The following CNBD2 variants were observed in gnomAD, a reference collection of about 807,000 sequenced individuals.
CNBD2 encodes the protein cyclic nucleotide-binding domain-containing protein 2.
In CNBD2, 64 loss-of-function variants were observed where a neutral mutation model predicts 63.7. The observed-to-expected ratio is 1.00, with a 90% CI of 0.82 to 1.24. CNBD2 has a LOEUF of 1.24. CNBD2 is among the 50% of genes most tolerant of loss of function. The pLI is 0.00. For missense variants in CNBD2, 691 were observed against 713.5 expected (o/e 0.97, Z 0.36); for synonymous variants, 229 against 255.4 (o/e 0.90, Z 0.99).
chr20:36,014,386 GTGGCGCCATCTCGGCTCACTGTGACCTC>G (rs2057106850), intron 10 of CNBD2, among the ~76,000 whole-genome samples: 1 of 149,028 alleles, frequency 6.7e-6, no homozygotes. Flanking sequence ...CTGGAGTGCA[GTGGCGCCATCTCGGCTCACTGTGACCTC>G]TGCCTCCTGG....
chr20:35,987,413 A>G lies in CNBD2; in HGVS notation c.735A>G (p.Ala245=). The change falls in exon 7 of 12, where the codon GCA becomes GCG. Residue 245 remains alanine, a synonymous_variant. Transcript: ENST00000373973. ...CCCACAGGAAGATGGAGCTGTTTGC[A>G]TCATGGTCTGATGAGAAGCTCTGGC... ...FEFFRKMELF[A]SWSDEKLWQL... is the part of the protein sequence containing the mutation. 1.9e-6 allele frequency: 3 copies of G among 1,614,214 alleles called. No individual in the cohort carries two copies. Among genetic ancestry groups the G allele is most frequent in the Non-Finnish European group, 2.5e-6 (3 of 1,180,028 alleles).
intron 2 of CNBD2, among the ~76,000 whole-genome samples, chr20:35,961,831 T>C (rs1433328817): frequency 6.6e-6 from 1 of 152,162 alleles, no homozygotes; most frequent in African/African-American, 2.4e-5. Context: ...TTCCGATCAG[T>C]TGGAGCTTGG....
intron 1 of CNBD2, among the ~76,000 whole-genome samples, chr20:35,970,226 T>C (rs2056393474): frequency 6.6e-6 from 1 of 152,178 alleles, no homozygotes; most frequent in Non-Finnish European, 1.5e-5. Context: ...CATTTTGCTA[T>C]TGGGTTATTT....
intron 7 of CNBD2, among the ~76,000 whole-genome samples, chr20:35,992,125 C>T (rs1253791019): frequency 2.0e-5 from 3 of 152,206 alleles, no homozygotes; most frequent in Non-Finnish European, 4.4e-5. Context: ...AGGTGTTCCA[C>T]CCTCCTCGGC....
intron 11 of CNBD2, among the ~76,000 whole-genome samples, chr20:36,028,592 C>T (rs1488073522): frequency 6.6e-6 from 1 of 151,970 alleles, no homozygotes; most frequent in Non-Finnish European, 1.5e-5. Context: ...AGGAAATCCC[C>T]AAGGCCAAAG....
chr20:36,014,281 C>T (rs1186273038), intron 10 of CNBD2, among the ~76,000 whole-genome samples: 1 of 151,374 alleles, frequency 6.6e-6, no homozygotes, highest in Non-Finnish European at 1.5e-5. Context: ...ACCCTTCCAG[C>T]AATGAGCACA....
chr20:35,978,741 C>T (rs2056557577), intron 3 of CNBD2, among the ~76,000 whole-genome samples: 1 of 152,180 alleles, frequency 6.6e-6, no homozygotes, highest in South Asian at 2.1e-4. Context: ...ATCCTCCTGC[C>T]TTGGCCTCCC....
intron 3 of CNBD2, among the ~76,000 whole-genome samples, chr20:35,976,935 G>C (rs763224914): frequency 6.6e-6 from 1 of 152,060 alleles, no homozygotes; most frequent in Non-Finnish European, 1.5e-5. Flanking sequence ...TCTTCTTGGA[G>C]CCCAGGTATG....
At chr20:35,969,347 A>G (rs2056380234) in intron 1 of CNBD2, among the ~76,000 whole-genome samples, 1 of 152,212 alleles carries the variant, frequency 6.6e-6, no homozygotes, top group African/African-American at 2.4e-5. Flanking sequence ...AGTAAGTATT[A>G]ATTTTATTCA....
At chr20:36,016,932 G>T (rs1339397008) in intron 10 of CNBD2, among the ~76,000 whole-genome samples, 1 of 142,286 alleles carries the variant, frequency 7.0e-6, no homozygotes, top group Non-Finnish European at 1.5e-5. Context: ...GGTGACATTT[G>T]CCTATGATCC....
downstream of CNBD2, among the ~76,000 whole-genome samples, chr20:35,960,311 T>C (rs2056296053): frequency 6.6e-6 from 1 of 152,220 alleles, no homozygotes; most frequent in Non-Finnish European, 1.5e-5. Context: ...TTTTAGTTGC[T>C]CTACATCCTC....
intron 4 of CNBD2, among the ~76,000 whole-genome samples, chr20:35,981,091 A>G (rs2056593190): frequency 6.6e-6 from 1 of 152,202 alleles, no homozygotes; most frequent in Non-Finnish European, 1.5e-5. Context: ...TAGTTTCCCA[A>G]AGGAGAATCA....
chr20:35,980,535 T>C lies in CNBD2; in HGVS notation c.320T>C (p.Val107Ala). ...AGAACAGAGGATGAGATCCAGGCCG[T>C]CTGTAACATCTTGCAGGTTCTGGAT... ...SWRTEDEIQA[V>A]CNILQVLDSY... The change falls in exon 4 of 12, where the codon GTC (valine) becomes GCC (alanine). Residue 107 changes from valine (V) to alanine (A), a missense_variant. Val to Ala is a moderately conservative substitution (Grantham distance 64). Coordinates refer to ENST00000373973, the MANE Select transcript of CNBD2 (RefSeq NM_001365709.1). 6.2e-7 allele frequency: 1 copy of C among 1,614,180 alleles called. No individual in the cohort carries two copies. The highest frequency in any genetic ancestry group is 1.3e-5 in the African/African-American group (1 of 75,048).
intron 10 of CNBD2, among the ~76,000 whole-genome samples, chr20:36,021,543 C>T (rs1408682496): frequency 6.6e-6 from 1 of 152,208 alleles, no homozygotes; most frequent in Non-Finnish European, 1.5e-5. Flanking sequence ...CAGGATTAGT[C>T]CCAACCCCAT....
At chr20:35,957,407 T>C (rs2056267760), downstream of CNBD2, among the ~76,000 whole-genome samples, 1 of 151,778 alleles carries the variant, frequency 6.6e-6, no homozygotes, top group Admixed American at 6.6e-5. Flanking sequence ...GGCAACATGA[T>C]GAAACCCTGT....
At chr20:36,018,713 A>G (rs991622808) in intron 10 of CNBD2, among the ~76,000 whole-genome samples, 1 of 152,180 alleles carries the variant, frequency 6.6e-6, no homozygotes, top group African/African-American at 2.4e-5. Context: ...AGGAAGTCCA[A>G]CTTCTCCAAG....
At chr20:35,961,455 C>T (rs1299029465) in intron 2 of CNBD2, among the ~76,000 whole-genome samples, 1 of 152,130 alleles carries the variant, frequency 6.6e-6, no homozygotes, top group African/African-American at 2.4e-5. Context: ...GCTTTGATCT[C>T]TTGTTTTAAA....
intron 8 of CNBD2, among the ~76,000 whole-genome samples, chr20:35,996,101 T>TA (rs1386190905): frequency 6.6e-6 from 1 of 152,216 alleles, no homozygotes; most frequent in Non-Finnish European, 1.5e-5. Flanking sequence ...CATCCTCTGC[T>TA]ATATGCCATT....
At chr20:36,019,855 G>A (rs1414141608) in intron 10 of CNBD2, among the ~76,000 whole-genome samples, 1 of 152,194 alleles carries the variant, frequency 6.6e-6, no homozygotes, top group Non-Finnish European at 1.5e-5. Context: ...TGGGTTGGAG[G>A]TGGCTGAGAG....
Sources: gnomAD v4.1 joint callset for allele counts (sites outside exome capture counted in the v4.1 genomes callset) on GRCh38, gnomAD v4.1.1 for gene constraint, MANE v1.5 for transcripts, NCBI Gene and HGNC (gene_info 2026-07-23, HGNC 2026-07-21) for gene names.